The following AKAP11 variants were observed in gnomAD, a reference collection of about 807,000 sequenced individuals.
AKAP11 encodes the protein A-kinase anchor protein 11.
Under a neutral mutation model 146.1 loss-of-function variants are expected in AKAP11, and 36 were observed. The observed-to-expected ratio is 0.25, with a 90% CI of 0.19 to 0.33. The LOEUF is 0.33. AKAP11 is among the 10% of genes least tolerant of loss of function. AKAP11 has a pLI of 1.00. For synonymous variants in AKAP11, 780 were observed against 786.5 expected (o/e 0.99, Z 0.14); for missense variants, 2,201 against 2,197.0 (o/e 1.00, Z -0.04).
At chr13:42,278,265 A>G (rs754223046) in intron 1 of AKAP11, among the ~76,000 whole-genome samples, 3 of 152,252 alleles carry the variant, frequency 2.0e-5, no homozygotes, top group Non-Finnish European at 2.9e-5. Flanking sequence ...ATATTAAGAC[A>G]TACTAAAATC....
chr13:42,288,314 A>G (rs576259857), intron 3 of AKAP11, among the ~76,000 whole-genome samples: 1 of 152,322 alleles, frequency 6.6e-6, no homozygotes, highest in African/African-American at 2.4e-5. Flanking sequence ...TTTCAAACAC[A>G]TAGAAAAGTT....
rs749789193 is a variant in AKAP11 at position 42,295,752 on chromosome 13, A to AT, written c.216+14dup. 3.4e-5 allele frequency: 54 copies of AT among 1,606,330 alleles called. No homozygotes were observed. Among genetic ancestry groups the AT allele is most frequent in the Non-Finnish European group, 4.2e-5 (50 of 1,177,566 alleles). On this transcript the variant is annotated intron_variant, in intron 5 of 12. Transcript: ENST00000025301. ...TGCTGCTCATATACAGGTATGGTGA[A>AT]TTTTAGCATTTTTACTGAGTATTCT...
intron 8 of AKAP11, among the ~76,000 whole-genome samples, chr13:42,305,741 ATTAG>A (rs1960222092): frequency 6.6e-6 from 1 of 152,160 alleles, no homozygotes; most frequent in Non-Finnish European, 1.5e-5. Context: ...TTTGGCCTGT[ATTAG>A]TTCATTTTCA....
At chr13:42,315,382 C>T (rs1314793838) in intron 11 of AKAP11, among the ~76,000 whole-genome samples, 1 of 151,908 alleles carries the variant, frequency 6.6e-6, no homozygotes, top group Non-Finnish European at 1.5e-5. Flanking sequence ...ATTGATATTC[C>T]CCACTGCAAT....
chr13:42,310,808 G>A (rs796556736), intron 9 of AKAP11, among the ~76,000 whole-genome samples: 1 of 150,604 alleles, frequency 6.6e-6, no homozygotes, highest in African/African-American at 2.4e-5. Context: ...GCAGTGAGCT[G>A]AGATTGTGCC....
At chr13:42,281,966 A>T (rs1959069829) in intron 1 of AKAP11, among the ~76,000 whole-genome samples, 2 of 151,112 alleles carry the variant, frequency 1.3e-5, no homozygotes, top group Admixed American at 6.6e-5. Context: ...GTGTCTGTAT[A>T]TAATTTTTTC....
rs140408093 is a variant in AKAP11, at chr13:42,289,077, T to C, written c.51+2678T>C. 4.3e-3 allele frequency among the ~76,000 whole-genome samples: 653 copies of C among 152,306 alleles called. 1 individual carries two copies. The highest frequency in any genetic ancestry group is 7.4e-3 in the Non-Finnish European group (501 of 67,986). On this transcript the variant is annotated intron_variant, in intron 3 of 12. Transcript: ENST00000025301. ...GTTAGCACATAATCTGTGATGATAC[T>C]TGGCTGTGTGCAAATATCCTTTTTT... is the stretch of plus-strand genomic sequence containing the variant.
Position 42,292,486 on chromosome 13 carries a change from T to C in AKAP11, c.153T>C (p.His51=), listed in dbSNP as rs147885564. ...AGGACTGTTTACAGCAGGATGAGCATGCCAATTTAACTGAGGTTTAACATA... is the reference window on the plus strand; with the variant it reads ...AGGACTGTTTACAGCAGGATGAGCACGCCAATTTAACTGAGGTTTAACATA... ...TAEDCLQQDE[H]ANLTEVTFLG... Residue 51 remains histidine (H), a synonymous_variant, in exon 4 of 13, where the codon CAT becomes CAC. Transcript: ENST00000025301. 3.4e-5 allele frequency: 54 copies of C among 1,569,934 alleles called. No homozygotes were observed. The Admixed American group carries it at 3.5e-4, about 10-fold the overall frequency.
intron 8 of AKAP11, among the ~76,000 whole-genome samples, chr13:42,307,218 G>C (rs2138648702): frequency 6.6e-6 from 1 of 152,180 alleles, no homozygotes. Context: ...GTATCATTCT[G>C]TATCTTACAA....
intron 1 of AKAP11, among the ~76,000 whole-genome samples, chr13:42,285,648 C>T (rs1270308810): frequency 6.6e-6 from 1 of 152,186 alleles, no homozygotes; most frequent in East Asian, 1.9e-4. Flanking sequence ...GATGTTAAAG[C>T]ATCTTTAAAA....
chr13:42,292,337 C>A (rs773524111), intron 3 of AKAP11, 48 bp from the exon 4 acceptor site: 1 of 1,226,346 alleles, frequency 8.2e-7, no homozygotes, highest in Non-Finnish European at 1.2e-6. Flanking sequence ...TTACCCTTGT[C>A]TTAGAATTAA....
Position 42,301,743 on chromosome 13 carries a change from A to T in AKAP11, c.2997A>T (p.Ser999=). 1.2e-6 allele frequency: 2 copies of T among 1,614,136 alleles called. No homozygotes were observed. The highest frequency in any genetic ancestry group is 2.7e-5 in the African/African-American group (2 of 75,036). ...CTCAGAATCAGTTAACTCACTGCTC[A>T]CTTTCAGCTGCAAAGGATTGTGTTC... ...PDSQNQLTHC[S]LSAAKDCVPE... Residue 999 remains serine, a synonymous_variant, in exon 8 of 13, where the codon TCA becomes TCT. Coordinates refer to ENST00000025301, the MANE Select transcript of AKAP11 (RefSeq NM_016248.4).
intron 1 of AKAP11, among the ~76,000 whole-genome samples, chr13:42,274,819 A>G (rs929277599): frequency 6.6e-6 from 1 of 152,260 alleles, no homozygotes; most frequent in African/African-American, 2.4e-5. Context: ...AATGGGGTAG[A>G]GGCCTGGAAC....
At chr13:42,294,541 T>C (rs901556956) in intron 4 of AKAP11, among the ~76,000 whole-genome samples, 2 of 152,120 alleles carry the variant, frequency 1.3e-5, no homozygotes, top group African/African-American at 4.8e-5. Flanking sequence ...TAGCTGGGAC[T>C]ATAGGCATGC....
chr13:42,289,540 A>G (rs550242035), intron 3 of AKAP11, among the ~76,000 whole-genome samples: 64 of 152,162 alleles, frequency 4.2e-4, no homozygotes, highest in African/African-American at 1.5e-3. Flanking sequence ...GTAGGTACCT[A>G]TATCCTTTTG....
intron 4 of AKAP11, among the ~76,000 whole-genome samples, chr13:42,293,120 A>G (rs1959294267): frequency 6.6e-6 from 1 of 152,226 alleles, no homozygotes; most frequent in Admixed American, 6.5e-5. Flanking sequence ...TACGAGATGT[A>G]TTAGGTCGTT....
Position 42,314,063 on chromosome 13 carries a change from A to G in AKAP11, c.5404+123A>G, listed in dbSNP as rs1221912164. The G allele has an allele frequency of 8.9e-6, 8 of 903,430 alleles. No individual in the cohort carries two copies. In the East Asian group the frequency reaches 2.1e-4, roughly 24 times the overall value. The allele number at this position is 903,430 out of a possible 1,614,324, so 56.0% of individuals were successfully genotyped here. A position where few individuals can be genotyped will look rare whatever the true frequency, so the allele number is the denominator to read the frequency against. On this transcript the variant is annotated intron_variant, in intron 11 of 12. Transcript: ENST00000025301. Reference sequence around the variant, plus strand: ...AGTGTAAAACATTATAAATCAGGGTATTCTTGAACTAATTTTGTTTGTCCA... The same window carrying G: ...AGTGTAAAACATTATAAATCAGGGTGTTCTTGAACTAATTTTGTTTGTCCA...
At chr13:42,298,266 G>T (rs1959628532) in intron 6 of AKAP11, among the ~76,000 whole-genome samples, 1 of 151,982 alleles carries the variant, frequency 6.6e-6, no homozygotes, top group Non-Finnish European at 1.5e-5. Flanking sequence ...ATTGCTCAAA[G>T]GAATGGATAG....
In AKAP11 at chr13:42,299,875, G is replaced by T; in HGVS notation, c.1129G>T (p.Asp377Tyr). Residue 377 changes from aspartate (D) to tyrosine (Y), a missense_variant, in exon 8 of 13, where the codon GAT becomes TAT. Asp to Tyr is a radical substitution (Grantham distance 160). Transcript: ENST00000025301. ...QTLETCLFNK[D>Y]PVIGKSSQRK... ...TTTAGAGACTTGCCTGTTTAACAAA[G>T]ATCCCGTCATAGGGAAGTCATCGCA... The T allele has an allele frequency of 6.2e-7, 1 of 1,613,852 alleles. No individual in the cohort carries two copies. The highest frequency in any genetic ancestry group is 8.5e-7 in the Non-Finnish European group (1 of 1,179,858).
Sources: gnomAD v4.1 joint callset for allele counts (sites outside exome capture counted in the v4.1 genomes callset) on GRCh38, gnomAD v4.1.1 for gene constraint, MANE v1.5 for transcripts, NCBI Gene and HGNC (gene_info 2026-07-23, HGNC 2026-07-21) for gene names.